MBD5: variants seen among roughly 807,000 people sequenced by gnomAD.
MBD5 encodes methyl-CpG binding domain protein 5.
A neutral mutation model predicts 117.3 loss-of-function variants in MBD5; 13 were observed. The ratio of observed to expected loss-of-function variants is 0.11; its 90% CI spans 0.07 to 0.18. MBD5 has a LOEUF of 0.18. Ranked by LOEUF, MBD5 falls within the 10% of genes least tolerant of loss-of-function variation. The pLI is 1.00. For synonymous variants in MBD5, 727 were observed against 766.4 expected (o/e 0.95, Z 0.85); for missense variants, 1,879 against 2,093.8 (o/e 0.90, Z 2.00).
intron 7 of MBD5, 31 bp downstream of exon 7, chr2:148,463,950 C>T (rs1402842383): frequency 2.5e-6 from 4 of 1,607,508 alleles, no homozygotes; most frequent in Non-Finnish European, 3.4e-6. Context: ...TTCAGGAATT[C>T]TCCTCTCCCT....
At chr2:148,365,586 C>T (rs1703673477) in intron 4 of MBD5, among the ~76,000 whole-genome samples, 2 of 151,606 alleles carry the variant, frequency 1.3e-5, no homozygotes, top group South Asian at 2.1e-4. Context: ...ACTAGCCAGA[C>T]CAATAAAAAA....
intron 3 of MBD5, among the ~76,000 whole-genome samples, chr2:148,313,090 C>A (rs1298736865): frequency 1.3e-5 from 2 of 152,098 alleles, no homozygotes; most frequent in Admixed American, 6.5e-5. Flanking sequence ...GTCTGTCGAC[C>A]CTTGCTGGTA....
chr2:148,386,182 AT>A (rs1204374279), intron 4 of MBD5, among the ~76,000 whole-genome samples: 1 of 152,184 alleles, frequency 6.6e-6, no homozygotes, highest in Non-Finnish European at 1.5e-5. Flanking sequence ...AAGTTATAAA[AT>A]GAACAAAAGC....
intron 8 of MBD5, among the ~76,000 whole-genome samples, chr2:148,481,188 T>C (rs1300868319): frequency 6.6e-6 from 1 of 152,162 alleles, no homozygotes; most frequent in Admixed American, 6.5e-5. Flanking sequence ...TCTATAATGA[T>C]GAGAAATCAA....
At chr2:148,383,951 G>C (rs1704250429) in intron 4 of MBD5, among the ~76,000 whole-genome samples, 1 of 152,098 alleles carries the variant, frequency 6.6e-6, no homozygotes, top group African/African-American at 2.4e-5. Context: ...GGTATGGATG[G>C]GATGTATCTC....
At chr2:148,033,084 G>A (rs1694087279) in intron 1 of MBD5, among the ~76,000 whole-genome samples, 1 of 152,116 alleles carries the variant, frequency 6.6e-6, no homozygotes, top group Admixed American at 6.5e-5. Flanking sequence ...TCCTTAGCTG[G>A]CACCTAGATA....
intron 2 of MBD5, among the ~76,000 whole-genome samples, chr2:148,221,174 G>A (rs1233134316): frequency 1.3e-5 from 2 of 152,060 alleles, no homozygotes; most frequent in Non-Finnish European, 2.9e-5. Context: ...ATATTCATCT[G>A]TTGATGGACA....
chr2:148,421,158 C>T (rs974943185), intron 4 of MBD5, among the ~76,000 whole-genome samples: 16 of 152,164 alleles, frequency 1.1e-4, no homozygotes, highest in African/African-American at 3.4e-4. Flanking sequence ...GGAACAGCTC[C>T]GGTCTGCAGC....
Position 148,178,727 on chromosome 2 carries a change from AT to A in MBD5, c.-896del. ...GTACATTGAAGATGTCAGTTTCTAC[AT>A]GTGGGAAGTAGACATTGAAGGCTTT... On this transcript the variant is annotated 5_prime_UTR_variant, in exon 2 of 14. It removes an upstream start codon present in the reference 5' UTR. Transcript: ENST00000642680. 2.5e-6 allele frequency: 1 copy of A among 398,484 alleles called. No homozygotes were observed. Among genetic ancestry groups the A allele is most frequent in the Non-Finnish European group, 4.4e-6 (1 of 225,758 alleles). 24.7% of individuals were successfully genotyped at this position (398,484 alleles called of 1,614,324 possible). A position where few individuals can be genotyped will look rare whatever the true frequency, so the allele number is the denominator to read the frequency against.
intron 11 of MBD5, among the ~76,000 whole-genome samples, chr2:148,491,260 G>A (rs1009064386): frequency 4.1e-5 from 6 of 147,930 alleles, no homozygotes; most frequent in South Asian, 2.1e-4. Context: ...TGAAACTACC[G>A]TTCAATTTAA....
intron 1 of MBD5, among the ~76,000 whole-genome samples, chr2:148,151,221 T>G (rs1185316344): frequency 1.3e-5 from 2 of 152,088 alleles, no homozygotes; most frequent in Non-Finnish European, 2.9e-5. Flanking sequence ...TGTCTTTGGC[T>G]CTGTTTATGT....
At chr2:148,324,562 T>C (rs1702389838) in intron 3 of MBD5, among the ~76,000 whole-genome samples, 1 of 152,144 alleles carries the variant, frequency 6.6e-6, no homozygotes, top group Non-Finnish European at 1.5e-5. Context: ...CCCTTGTAAG[T>C]TGGATTCCTA....
At chr2:148,188,616 G>C (rs566672835) in intron 2 of MBD5, among the ~76,000 whole-genome samples, 24 of 149,060 alleles carry the variant, frequency 1.6e-4, no homozygotes, top group Non-Finnish European at 2.7e-4. Context: ...CCAGGAGGTT[G>C]AGGCTGCAGT....
chr2:148,168,050 G>A (rs192672608), intron 1 of MBD5, among the ~76,000 whole-genome samples: 1 of 152,144 alleles, frequency 6.6e-6, no homozygotes. Context: ...GAATCCGAAA[G>A]GGGGCAGTAC....
chr2:148,455,264 A>G (rs1706847980), intron 4 of MBD5, among the ~76,000 whole-genome samples: 1 of 152,092 alleles, frequency 6.6e-6, no homozygotes, highest in South Asian at 2.1e-4. Context: ...AAGTAGCAGC[A>G]AAAAAGGGAT....
At chr2:148,403,562 T>A (rs1448878398) in intron 4 of MBD5, among the ~76,000 whole-genome samples, 1 of 152,216 alleles carries the variant, frequency 6.6e-6, no homozygotes, top group Non-Finnish European at 1.5e-5. Flanking sequence ...TAACTAAAAA[T>A]TTAATTGATT....
intron 10 of MBD5, among the ~76,000 whole-genome samples, chr2:148,487,928 G>A (rs1390471026): frequency 6.6e-6 from 1 of 152,230 alleles, no homozygotes; most frequent in Non-Finnish European, 1.5e-5. Context: ...CCCAGCAGGG[G>A]GTCGGGGGTA....
At chr2:148,494,669 A>G (rs1271081369) in intron 11 of MBD5, among the ~76,000 whole-genome samples, 1 of 152,214 alleles carries the variant, frequency 6.6e-6, no homozygotes, top group African/African-American at 2.4e-5. Flanking sequence ...TTTGTAATAA[A>G]GTACATTCTG....
At position 148,139,993 on chromosome 2, in the gene MBD5, C is replaced by T. The variant is rs181944107; in HGVS notation, c.-924-38707C>T. The stretch of plus-strand genomic sequence containing the variant: ...AATATTGTTGCCGTGAAAATGATTA[C>T]ATTGGGGTAACTGAACTTTCAGTGA... On this transcript the variant is annotated intron_variant, in intron 1 of 13. Transcript: ENST00000642680. Among the ~76,000 whole-genome samples the T allele has an allele frequency of 1.7e-4, 26 of 152,278 alleles. No homozygotes were observed. The East Asian group carries it at 4.6e-3, about 27-fold the overall frequency.
Sources: allele counts gnomAD v4.1 joint callset (sites outside exome capture counted in the v4.1 genomes callset), GRCh38; gene constraint gnomAD v4.1.1; transcripts MANE v1.5; gene names NCBI Gene and HGNC (gene_info 2026-07-23, HGNC 2026-07-21).